GRM7: variants seen among roughly 807,000 people sequenced by gnomAD.
GRM7 encodes the protein metabotropic glutamate receptor 7.
Under a neutral mutation model 84.5 loss-of-function variants are expected in GRM7, and 35 were observed. That is an observed-to-expected ratio of 0.41 (90% CI 0.32 to 0.55). GRM7 has a LOEUF of 0.55. Among genes scored for constraint, GRM7 ranks in the 20% least tolerant of loss-of-function variants. GRM7 has a pLI of 0.19. For synonymous variants in GRM7, 487 were observed against 455.1 expected (o/e 1.07, Z -0.89); for missense variants, 1,003 against 1,194.6 (o/e 0.84, Z 2.36).
At chr3:7,002,555 T>C (rs1695047776) in intron 1 of GRM7, among the ~76,000 whole-genome samples, 1 of 152,182 alleles carries the variant, frequency 6.6e-6, no homozygotes, top group Admixed American at 6.5e-5. Flanking sequence ...ACTGGGGATA[T>C]GGACATATGT....
At chr3:7,101,216 G>A (rs747496832) in intron 1 of GRM7, among the ~76,000 whole-genome samples, 23 of 151,552 alleles carry the variant, frequency 1.5e-4, no homozygotes, top group African/African-American at 5.1e-4. Context: ...TTTTATTCCC[G>A]CAGACAATCC....
intron 2 of GRM7, among the ~76,000 whole-genome samples, chr3:7,221,091 T>C (rs1696786019): frequency 1.3e-5 from 2 of 152,108 alleles, no homozygotes; most frequent in Middle Eastern, 3.4e-3. Context: ...AGTAAGACTG[T>C]CTAAAAAGCA....
chr3:6,880,767 G>T lies in GRM7; in HGVS notation c.519+18860G>T, dbSNP rs566146643. On this transcript the variant is annotated intron_variant, in intron 1 of 9. Transcript: ENST00000357716. ...TTTATTCCTTCTCGTCTCGTATTTGGACTCATCTCTCAAACTGAAAAAGGA... is the reference window on the plus strand; with the variant it reads ...TTTATTCCTTCTCGTCTCGTATTTGTACTCATCTCTCAAACTGAAAAAGGA... Among the ~76,000 whole-genome samples the T allele has an allele frequency of 2.4e-4, 36 of 152,064 alleles. No individual in the cohort carries two copies. The South Asian group carries it at 7.5e-3, about 32-fold the overall frequency.
intron 2 of GRM7, among the ~76,000 whole-genome samples, chr3:7,281,839 G>A (rs1213032356): frequency 6.6e-6 from 1 of 152,162 alleles, no homozygotes; most frequent in Non-Finnish European, 1.5e-5. Flanking sequence ...CTAGTACTTT[G>A]GGAGGCCAAG....
Position 7,235,366 on chromosome 3 carries a change from C to T in GRM7, c.737-63318C>T, listed in dbSNP as rs1384086909. On this transcript the variant is annotated intron_variant, in intron 2 of 9. Coordinates refer to ENST00000357716, the MANE Select transcript of GRM7 (RefSeq NM_000844.4). ...GCATTTTCCATACCATGGGTGAGTA[C>T]AGAATCTTTCACTTCTTAAGCATCT... Among the ~76,000 whole-genome samples the T allele has an allele frequency of 8.5e-5, 13 of 152,296 alleles. No homozygotes were observed. The East Asian group carries it at 9.6e-4, about 11-fold the overall frequency.
intron 1 of GRM7, among the ~76,000 whole-genome samples, chr3:7,014,920 G>T (rs1695505571): frequency 6.6e-6 from 1 of 152,076 alleles, no homozygotes; most frequent in Admixed American, 6.6e-5. Context: ...ATTGTAAAAC[G>T]CACTGATCAG....
At chr3:7,503,179 G>C (rs948684135) in intron 7 of GRM7, among the ~76,000 whole-genome samples, 1 of 151,920 alleles carries the variant, frequency 6.6e-6, no homozygotes, top group African/African-American at 2.4e-5. Context: ...CAGTATTTCT[G>C]GCAAAATCAC....
chr3:7,690,005 G>A (rs954624275), intron 9 of GRM7, among the ~76,000 whole-genome samples: 23 of 152,094 alleles, frequency 1.5e-4, no homozygotes, highest in Non-Finnish European at 2.6e-4. Flanking sequence ...ACCATCACCC[G>A]GGATGTTTTG....
intron 1 of GRM7, among the ~76,000 whole-genome samples, chr3:6,875,003 G>A (rs961019895): frequency 2.0e-5 from 3 of 152,150 alleles, no homozygotes; most frequent in Non-Finnish European, 4.4e-5. Flanking sequence ...CAAGTGTGGG[G>A]TCTTACTCAT....
At chr3:7,179,105 A>T (rs1304161737) in intron 2 of GRM7, among the ~76,000 whole-genome samples, 4 of 151,948 alleles carry the variant, frequency 2.6e-5, no homozygotes, top group African/African-American at 4.8e-5. Flanking sequence ...GACTCTATTT[A>T]AAAAAATAAA....
intron 1 of GRM7, among the ~76,000 whole-genome samples, chr3:6,955,734 TG>T (rs958076088): frequency 6.6e-6 from 1 of 151,104 alleles, no homozygotes; most frequent in African/African-American, 2.4e-5. Context: ...CCCAGCCACT[TG>T]GGAGGCTGAG....
At chr3:7,026,230 GGTT>G (rs1394564504) in intron 1 of GRM7, among the ~76,000 whole-genome samples, 1 of 152,154 alleles carries the variant, frequency 6.6e-6, no homozygotes, top group African/African-American at 2.4e-5. Context: ...CAGCAGCTGA[GGTT>G]GTTAACTACC....
chr3:7,566,109 T>G (rs1477701540), intron 7 of GRM7, among the ~76,000 whole-genome samples: 1,150 of 26,250 alleles, frequency 0.044, 26 homozygotes, highest in African/African-American at 0.11. Flanking sequence ...AGCTGTTTTT[T>G]TTTTTTTTTT....
intron 1 of GRM7, among the ~76,000 whole-genome samples, chr3:7,012,733 C>T (rs1200832856): frequency 6.6e-6 from 1 of 152,070 alleles, no homozygotes; most frequent in African/African-American, 2.4e-5. Flanking sequence ...CTAAGTTTCC[C>T]CCAGTTTATT....
At chr3:7,499,703 A>T (rs1199240535) in intron 7 of GRM7, among the ~76,000 whole-genome samples, 1 of 152,100 alleles carries the variant, frequency 6.6e-6, no homozygotes, top group Non-Finnish European at 1.5e-5. Flanking sequence ...CCCAAGATAA[A>T]ACTGTTGAAG....
intron 8 of GRM7, among the ~76,000 whole-genome samples, chr3:7,662,506 T>G (rs1039898938): frequency 1.3e-5 from 2 of 152,136 alleles, no homozygotes; most frequent in Non-Finnish European, 2.9e-5. Context: ...TGAGGAAAAA[T>G]CATATGAGAC....
chr3:6,979,932 T>G (rs979432709), intron 1 of GRM7, among the ~76,000 whole-genome samples: 1 of 152,182 alleles, frequency 6.6e-6, no homozygotes, highest in African/African-American at 2.4e-5. Flanking sequence ...TGTCATTCTG[T>G]GAGGGGTAAC....
intron 1 of GRM7, 146 bp from the exon 2 acceptor site, chr3:7,146,306 G>A: frequency 1.5e-6 from 1 of 646,120 alleles, no homozygotes; most frequent in East Asian, 2.7e-5. Flanking sequence ...GCATTTAGGT[G>A]GTCTAAAATT....
chr3:7,269,412 CCTG>C (rs1197482713), intron 2 of GRM7, among the ~76,000 whole-genome samples: 2 of 147,712 alleles, frequency 1.4e-5, no homozygotes, highest in East Asian at 4.1e-4. Context: ...ATTAGAATTG[CCTG>C]GAGAGGTTTA....
Sources: gnomAD v4.1 joint callset for allele counts (sites outside exome capture counted in the v4.1 genomes callset) on GRCh38, gnomAD v4.1.1 for gene constraint, MANE v1.5 for transcripts, NCBI Gene and HGNC (gene_info 2026-07-23, HGNC 2026-07-21) for gene names.